Variants in MYO7B observed in about 807,000 individuals in gnomAD.
MYO7B encodes unconventional myosin-VIIb.
MYO7B carries 212 observed loss-of-function variants against 259.7 expected under a neutral mutation model. That is an observed-to-expected ratio of 0.82 (90% CI 0.73 to 0.91). The LOEUF (loss-of-function observed/expected upper bound fraction) is 0.91. Among genes scored for constraint, MYO7B ranks in the 40% least tolerant of loss-of-function variants. The pLI is 0.00. For synonymous variants in MYO7B, 1,197 were observed against 1,166.4 expected (o/e 1.03, Z -0.54); for missense variants, 2,732 against 2,813.5 (o/e 0.97, Z 0.66).
chr2:127,574,205 C>T lies in MYO7B; in HGVS notation c.735+143C>T, dbSNP rs557264626. On this transcript the variant is annotated intron_variant, in intron 7 of 47. Transcript: ENST00000409816. Reference sequence around the variant, plus strand: ...CAGGCCTCACTGGATAATGAGGGCCCTTCCCCAGTATTCCAGGACAGCAAA... The same window carrying T: ...CAGGCCTCACTGGATAATGAGGGCCTTTCCCCAGTATTCCAGGACAGCAAA... The T allele has an allele frequency of 2.2e-3, 2,401 of 1,095,286 alleles. 9 individuals carry two copies. The highest frequency in any genetic ancestry group is 2.8e-3 in the Non-Finnish European group (2,125 of 769,486). The allele number at this position is 1,095,286 out of a possible 1,614,324, so 67.8% of individuals were successfully genotyped here.
At position 127,565,268 on chromosome 2, in the gene MYO7B, C is replaced by T; in HGVS notation, c.168C>T (p.Leu56=). 6.2e-7 allele frequency: 1 copy of T among 1,613,986 alleles called. No individual in the cohort carries two copies. The highest frequency in any genetic ancestry group is 8.5e-7 in the Non-Finnish European group (1 of 1,179,862). Residue 56 remains leucine (L), a synonymous_variant, in exon 4 of 48, where the codon CTC becomes CTT. Transcript: ENST00000409816. ...TCCGAGCAGAGGACTTTGGTGTCCT[C>T]AGTCCCATGCACCCCAACTCAGTCC... ...HWIRAEDFGV[L]SPMHPNSVQG...
chr2:127,540,267 G>A (rs570892649), intron 1 of MYO7B, among the ~76,000 whole-genome samples: 6 of 151,768 alleles, frequency 4.0e-5, no homozygotes, highest in Non-Finnish European at 8.8e-5. Flanking sequence ...GGATTCAAAT[G>A]ATTCTCCTGT....
Position 127,559,841 on chromosome 2 carries a change from T to C in MYO7B, c.18+101T>C, listed in dbSNP as rs148264172. On this transcript the variant is annotated intron_variant, in intron 2 of 47. Transcript: ENST00000409816. The surrounding 1 kb of genome is among the most constrained non-coding windows in gnomAD (Gnocchi z 4.1). ...AGAGAGGAAAGGCAATGAGACCCTATAGGAAAATACCAGAGACAGGGGAGT... is the reference window on the plus strand; with the variant it reads ...AGAGAGGAAAGGCAATGAGACCCTACAGGAAAATACCAGAGACAGGGGAGT... The C allele has an allele frequency of 5.0e-4, 671 of 1,343,800 alleles. 3 individuals are homozygous for C. In the African/African-American group the frequency reaches 8.6e-3, roughly 17 times the overall value. The allele number at this position is 1,343,800 out of a possible 1,614,324, so 83.2% of individuals were successfully genotyped here. A position where few individuals can be genotyped will look rare whatever the true frequency, so the allele number is the denominator to read the frequency against.
chr2:127,627,845 T>C lies in MYO7B; in HGVS notation c.4461-527T>C. The C allele has an allele frequency of 2.2e-6, 1 of 458,016 alleles. No individual in the cohort carries two copies. The allele number at this position is 458,016 out of a possible 1,614,324, so 28.4% of individuals were successfully genotyped here. A position where few individuals can be genotyped will look rare whatever the true frequency, so the allele number is the denominator to read the frequency against. Reference sequence around the variant, plus strand: ...AAGCCCTGCCAGAGCGCCCCTTGGTTGAAGCACACAACAGAGTGGCACATG... The same window carrying C: ...AAGCCCTGCCAGAGCGCCCCTTGGTCGAAGCACACAACAGAGTGGCACATG... On this transcript the variant is annotated intron_variant, in intron 33 of 47. Transcript: ENST00000409816. This position sits in a 1 kb window ranked among gnomAD's most constrained non-coding sequence, Gnocchi z 5.6.
At position 127,613,365 on chromosome 2, in the gene MYO7B, C is replaced by T. The variant is rs760701042; in HGVS notation, c.3398+762C>T. Among the ~76,000 whole-genome samples, 5 of 152,186 alleles carry T rather than the reference C, an allele frequency of 3.3e-5. No individual in the cohort carries two copies. The highest frequency in any genetic ancestry group is 7.3e-5 in the Non-Finnish European group (5 of 68,030). ...TCCCTAGTCTGCTGTCATATCCATC[C>T]AACAAATGTTTTATTTCAGATATTG... is the stretch of plus-strand genomic sequence containing the variant. On this transcript the variant is annotated intron_variant, in intron 26 of 47. Coordinates refer to ENST00000409816, the MANE Select transcript of MYO7B (RefSeq NM_001393586.1). This position sits in a 1 kb window ranked among gnomAD's most constrained non-coding sequence, Gnocchi z 4.3.
At chr2:127,575,544 A>G (rs1024192508) in intron 7 of MYO7B, among the ~76,000 whole-genome samples, 2 of 152,256 alleles carry the variant, frequency 1.3e-5, no homozygotes, top group Non-Finnish European at 2.9e-5. Context: ...AGGAAGTAGC[A>G]GAACCACAAA....
chr2:127,590,379 AC>A lies in MYO7B; in HGVS notation c.1992+152del. The A allele has an allele frequency of 8.7e-7, 1 of 1,154,708 alleles. No homozygotes were observed. Among genetic ancestry groups the A allele is most frequent in the Non-Finnish European group, 1.2e-6 (1 of 830,850 alleles). 71.5% of individuals were successfully genotyped at this position (1,154,708 alleles called of 1,614,324 possible). ...CAGATAAGTACACTGGGGTAAGGTG[AC>A]CAGACTAGGTCATGTGAAGGTCAGT... On this transcript the variant is annotated intron_variant, in intron 16 of 47. Transcript: ENST00000409816. This position sits in a 1 kb window ranked among gnomAD's most constrained non-coding sequence, Gnocchi z 4.6.
At position 127,628,482 on chromosome 2, in the gene MYO7B, G is replaced by T; in HGVS notation, c.4571G>T (p.Gly1524Val). The change falls in exon 34 of 48, where the codon GGC becomes GTC. Residue 1524 changes from glycine (G) to valine (V), a missense_variant. Gly to Val is a moderately radical substitution (Grantham distance 109). Coordinates refer to ENST00000409816, the MANE Select transcript of MYO7B (RefSeq NM_001393586.1). The surrounding 1 kb of genome is among the most constrained non-coding windows in gnomAD (Gnocchi z 4.8). ...IAELVALFLE[G>V]LKERSIFAMA... The stretch of plus-strand genomic sequence containing the variant: ...GAGCTGGTGGCCCTGTTCCTGGAGG[G>T]CCTGAAGGAGAGGTCCATTTTCGCC... 2 of 1,556,924 alleles carry T rather than the reference G, an allele frequency of 1.3e-6. No homozygotes were observed. The highest frequency in any genetic ancestry group is 1.7e-6 in the Non-Finnish European group (2 of 1,151,846).
Position 127,636,419 on chromosome 2 carries a change from G to A in MYO7B, c.6123+95G>A, listed in dbSNP as rs1017742077. The A allele has an allele frequency of 5.8e-5, 84 of 1,438,186 alleles. No homozygotes were observed. Among genetic ancestry groups the A allele is most frequent in the Non-Finnish European group, 7.1e-5 (73 of 1,030,768 alleles). The allele number at this position is 1,438,186 out of a possible 1,614,324, so 89.1% of individuals were successfully genotyped here. ...GCGTCAACCAGCACACATCTTGGGT[G>A]GGGCTGGCCGTGAGGCTGGAGGGCG... On this transcript the variant is annotated intron_variant, in intron 45 of 47. Coordinates refer to ENST00000409816, the MANE Select transcript of MYO7B (RefSeq NM_001393586.1). This position sits in a 1 kb window ranked among gnomAD's most constrained non-coding sequence, Gnocchi z 4.5.
intron 40 of MYO7B, among the ~76,000 whole-genome samples, chr2:127,633,872 G>C (rs1275868764): frequency 6.6e-6 from 1 of 152,202 alleles, no homozygotes; most frequent in Non-Finnish European, 1.5e-5. Flanking sequence ...CTCTCCAACA[G>C]CACAATGGTC....
rs1681523074 is a variant in MYO7B, at chr2:127,631,736, G to C, written c.5232G>C (p.Leu1744=). Residue 1744 remains leucine, a synonymous_variant, in exon 38 of 48, where the codon CTG becomes CTC. Transcript: ENST00000409816. ...DEVYCQILKQ[L]THNSNRHSEE... ...TCTACTGCCAGATCCTGAAGCAGCT[G>C]ACGCACAACTCCAACAGGTCTGCTG... is the stretch of plus-strand genomic sequence containing the variant. The C allele has an allele frequency of 1.9e-6, 3 of 1,612,532 alleles. No individual in the cohort carries two copies. The highest frequency in any genetic ancestry group is 2.2e-5 in the South Asian group (2 of 91,062).
intron 3 of MYO7B, among the ~76,000 whole-genome samples, chr2:127,564,767 G>A (rs1478175405): frequency 6.6e-6 from 1 of 152,230 alleles, no homozygotes; most frequent in Non-Finnish European, 1.5e-5. Flanking sequence ...AGCCTCCAAG[G>A]AGAAGTTTCT....
At chr2:127,626,552 A>G (rs915112726) in intron 31 of MYO7B, 2 of 165,246 alleles carry the variant, frequency 1.2e-5, no homozygotes, top group Non-Finnish European at 2.6e-5. Context: ...AAGCCAAGGC[A>G]GGTGGATCAT....
chr2:127,596,629 A>C, intron 19 of MYO7B, 73 bp downstream of exon 19: 2 of 1,281,634 alleles, frequency 1.6e-6, no homozygotes, highest in Non-Finnish European at 2.2e-6. Flanking sequence ...TGCAGCCCAC[A>C]AACCAGGATC....
intron 1 of MYO7B, among the ~76,000 whole-genome samples, chr2:127,543,041 C>G (rs986750475): frequency 6.6e-6 from 1 of 152,176 alleles, no homozygotes; most frequent in Non-Finnish European, 1.5e-5. Flanking sequence ...TTCCCAGGGA[C>G]GAGCAGGAGA....
intron 10 of MYO7B, among the ~76,000 whole-genome samples, chr2:127,581,217 T>C (rs1157051811): frequency 6.6e-6 from 1 of 152,102 alleles, no homozygotes; most frequent in Admixed American, 6.5e-5. Flanking sequence ...GCTTGCACTA[T>C]TCTGGGAGAG....
Position 127,607,502 on chromosome 2 carries a change from C to CAG in MYO7B, c.2643+78_2643+79insAG. 1 of 1,295,328 alleles carries CAG rather than the reference C, an allele frequency of 7.7e-7. No homozygotes were observed. The highest frequency in any genetic ancestry group is 1.4e-5 in the South Asian group (1 of 72,038). The allele number at this position is 1,295,328 out of a possible 1,614,324, so 80.2% of individuals were successfully genotyped here. On this transcript the variant is annotated intron_variant, in intron 21 of 47. Transcript: ENST00000409816. This position sits in a 1 kb window ranked among gnomAD's most constrained non-coding sequence, Gnocchi z 4.4. ...GGTGAGGGCAAGAAGGAGTGAGCGGCTGTGTAGAGAGCTCACCAGAAGCGC... is the reference window on the plus strand; with the variant it reads ...GGTGAGGGCAAGAAGGAGTGAGCGGCAGTGTGTAGAGAGCTCACCAGAAGCGC...
Position 127,625,406 on chromosome 2 carries a change from C to CG in MYO7B, c.4087dup (p.Val1363GlyfsTer96). ...TTGAGCTGCTGGCCCGGCACTGCTACGTGCAGCTCGGCGCCTCAGCAGAGA... is the reference window on the plus strand; with the variant it reads ...TTGAGCTGCTGGCCCGGCACTGCTACGGTGCAGCTCGGCGCCTCAGCAGAGA... On this transcript the variant is annotated frameshift_variant, in exon 31 of 48. Transcript: ENST00000409816. LOFTEE classifies it high-confidence loss of function. The CG allele has an allele frequency of 6.2e-7, 1 of 1,606,418 alleles. No homozygotes were observed. The highest frequency in any genetic ancestry group is 8.5e-7 in the Non-Finnish European group (1 of 1,177,350).
Position 127,636,240 on chromosome 2 carries a change from C to A in MYO7B, c.6039C>A (p.Asp2013Glu). ...SILLAYDKHKDKTVEEAKVAF... is the reference protein window; with the variant it reads ...SILLAYDKHKEKTVEEAKVAF... ...TTCTAGCCTATGACAAGCATAAGGACAAGACAGTGGAGGAGGCCAAGGTGG... is the reference window on the plus strand; with the variant it reads ...TTCTAGCCTATGACAAGCATAAGGAAAAGACAGTGGAGGAGGCCAAGGTGG... Residue 2013 changes from aspartate (D) to glutamate (E), a missense_variant, in exon 45 of 48, where the codon GAC becomes GAA. Physicochemically the swap from Asp to Glu is conservative, Grantham distance 45. This residue lies in a region of MYO7B where 821 missense variants were observed against 769.3 expected (regional missense o/e 1.07). Transcript: ENST00000409816. The surrounding 1 kb of genome is among the most constrained non-coding windows in gnomAD (Gnocchi z 4.5). 6.2e-7 allele frequency: 1 copy of A among 1,613,614 alleles called. No homozygotes were observed. The highest frequency in any genetic ancestry group is 1.1e-5 in the South Asian group (1 of 91,074).
Sources: allele counts gnomAD v4.1 joint callset (sites outside exome capture counted in the v4.1 genomes callset), GRCh38; gene constraint gnomAD v4.1.1; regional missense constraint gnomAD v4.1.1; non-coding constraint Gnocchi (gnomAD v3.1); transcripts MANE v1.5; gene names NCBI Gene and HGNC (gene_info 2026-07-23, HGNC 2026-07-21).